Variants in ABCD2 observed in about 807,000 individuals in gnomAD.
The protein encoded by ABCD2 is ATP-binding cassette sub-family D member 2.
A neutral mutation model predicts 70.9 loss-of-function variants in ABCD2; 36 were observed. That is an observed-to-expected ratio of 0.51 (90% CI 0.39 to 0.67). ABCD2 has a LOEUF of 0.67. Ranked by LOEUF, ABCD2 falls within the 30% of genes least tolerant of loss-of-function variation. The pLI is 0.00. For synonymous variants in ABCD2, 304 were observed against 306.9 expected (o/e 0.99, Z 0.10); for missense variants, 729 against 890.2 (o/e 0.82, Z 2.30).
chr12:39,548,160 G>A (rs559109669), downstream of ABCD2, among the ~76,000 whole-genome samples: 2 of 152,090 alleles, frequency 1.3e-5, no homozygotes, highest in Non-Finnish European at 2.9e-5. Flanking sequence ...CCACTGATCA[G>A]AAGGGTAAAC....
At chr12:39,595,299 G>A (rs1427236209) in intron 6 of ABCD2, among the ~76,000 whole-genome samples, 2 of 152,138 alleles carry the variant, frequency 1.3e-5, no homozygotes, top group African/African-American at 4.8e-5. Context: ...AGTGAGTACA[G>A]AAGATTTGTA....
At chr12:39,568,450 A>G (rs4768164) in intron 9 of ABCD2, among the ~76,000 whole-genome samples, 96,283 of 152,008 alleles carry the variant, frequency 0.63, 32,436 homozygotes, top group East Asian at 0.87. Context: ...CACCATGTTC[A>G]TTCTCGTGCC....
chr12:39,573,977 T>A, intron 8 of ABCD2, 136 bp from the exon 9 acceptor site: 1 of 792,448 alleles, frequency 1.3e-6, no homozygotes, highest in Non-Finnish European at 1.9e-6. Context: ...CAATAAATGA[T>A]AAAGCAAAAA....
At chr12:39,616,213 T>C (rs574719448) in intron 2 of ABCD2, among the ~76,000 whole-genome samples, 9 of 152,242 alleles carry the variant, frequency 5.9e-5, no homozygotes, top group Admixed American at 3.9e-4. Context: ...GAGTAGAAAA[T>C]ACTTCTTCAG....
At position 39,592,880 on chromosome 12, in the gene ABCD2, A is replaced by G. The variant is rs572961916; in HGVS notation, c.1647-6583T>C. 4.6e-5 allele frequency among the ~76,000 whole-genome samples: 7 copies of G among 152,336 alleles called. No homozygotes were observed. In the South Asian group the frequency reaches 1.4e-3, roughly 32 times the overall value. On this transcript the variant is annotated intron_variant, in intron 6 of 9. Coordinates refer to ENST00000308666, the MANE Select transcript of ABCD2 (RefSeq NM_005164.4). ...ACAGGTCCAAAAGCTAGAGACCTAT[A>G]GGAAAATTGAGATTAAGATATTTAA...
chr12:39,533,959 A>C, the ABCD2 span, among the ~76,000 whole-genome samples: 1 of 152,252 alleles, frequency 6.6e-6, no homozygotes, highest in African/African-American at 2.4e-5. Context: ...AAAGTGATAA[A>C]AAATTGGTGC....
chr12:39,542,034 G>A, the ABCD2 span, among the ~76,000 whole-genome samples: 2 of 152,328 alleles, frequency 1.3e-5, no homozygotes, highest in East Asian at 3.9e-4. Flanking sequence ...GGCCTCTGCA[G>A]TGCTGGCAAA....
At chr12:39,616,492 TA>T (rs1334288386) in intron 2 of ABCD2, among the ~76,000 whole-genome samples, 2 of 152,126 alleles carry the variant, frequency 1.3e-5, no homozygotes, top group African/African-American at 4.8e-5. Flanking sequence ...CCATGGCACT[TA>T]AGCATTCTCT....
intron 9 of ABCD2, among the ~76,000 whole-genome samples, chr12:39,565,985 G>C (rs1025061735): frequency 3.9e-5 from 6 of 152,194 alleles, no homozygotes; most frequent in Non-Finnish European, 8.8e-5. Context: ...AAGCCCACTT[G>C]ATCATGGTGG....
At chr12:39,576,957 G>A (rs1180457469) in intron 8 of ABCD2, among the ~76,000 whole-genome samples, 1 of 151,684 alleles carries the variant, frequency 6.6e-6, no homozygotes, top group Non-Finnish European at 1.5e-5. Flanking sequence ...ATACAGAAAA[G>A]CACATAATTA....
intron 6 of ABCD2, among the ~76,000 whole-genome samples, chr12:39,599,037 A>G (rs1199483858): frequency 6.6e-6 from 1 of 152,162 alleles, no homozygotes; most frequent in Non-Finnish European, 1.5e-5. Flanking sequence ...TAGAGTTCTC[A>G]TTGTTATTTT....
At chr12:39,548,315 G>T (rs1018275607), downstream of ABCD2, among the ~76,000 whole-genome samples, 7 of 152,050 alleles carry the variant, frequency 4.6e-5, no homozygotes, top group Non-Finnish European at 7.4e-5. Flanking sequence ...TTTGATTCAT[G>T]ATATTTTCAA....
rs760103222 is a variant in ABCD2, at chr12:39,607,617, A to G, written c.1218T>C (p.Ile406=). The G allele has an allele frequency of 6.2e-7, 1 of 1,611,316 alleles. No individual in the cohort carries two copies. Among genetic ancestry groups the G allele is most frequent in the Non-Finnish European group, 8.5e-7 (1 of 1,178,316 alleles). Residue 406 remains isoleucine (I), a synonymous_variant, in exon 3 of 10, where the codon ATT becomes ATC. Transcript: ENST00000308666. ...LASGADAIER[I]MSSYKEVTEL... The stretch of plus-strand genomic sequence containing the variant: ...CAAGTACCTCTTTGTATGAAGACAT[A>G]ATCCTTTCAATAGCATCAGCTCCAG...
intron 6 of ABCD2, among the ~76,000 whole-genome samples, chr12:39,597,853 T>C (rs928688571): frequency 6.6e-6 from 1 of 152,216 alleles, no homozygotes. Context: ...CTAATTTATC[T>C]ACCAACATTT....
intron 9 of ABCD2, among the ~76,000 whole-genome samples, chr12:39,561,126 TG>T (rs1941251384): frequency 6.6e-6 from 1 of 152,096 alleles, no homozygotes; most frequent in African/African-American, 2.4e-5. Flanking sequence ...CCAGGTGCAG[TG>T]GCTCACGTCT....
the ABCD2 span, among the ~76,000 whole-genome samples, chr12:39,533,619 T>C: frequency 6.6e-6 from 1 of 152,238 alleles, no homozygotes; most frequent in African/African-American, 2.4e-5. Context: ...ATCTACCTTG[T>C]GGAAAATTTT....
chr12:39,571,210 C>A (rs1011512066), intron 9 of ABCD2, among the ~76,000 whole-genome samples: 2 of 152,058 alleles, frequency 1.3e-5, no homozygotes, highest in Non-Finnish European at 2.9e-5. Flanking sequence ...TCCAGCAATC[C>A]CCCACTGGGA....
intron 9 of ABCD2, among the ~76,000 whole-genome samples, chr12:39,566,444 T>C (rs1941349510): frequency 6.6e-6 from 1 of 152,232 alleles, no homozygotes; most frequent in African/African-American, 2.4e-5. Context: ...TTGCTGATGG[T>C]AGTTTGTATT....
intron 8 of ABCD2, among the ~76,000 whole-genome samples, chr12:39,577,371 G>T (rs1163233400): frequency 6.6e-6 from 1 of 152,136 alleles, no homozygotes; most frequent in African/African-American, 2.4e-5. Flanking sequence ...AAAAAAATGG[G>T]AGATTGGGGA....
Sources: allele counts gnomAD v4.1 joint callset (sites outside exome capture counted in the v4.1 genomes callset), GRCh38; gene constraint gnomAD v4.1.1; transcripts MANE v1.5; gene names NCBI Gene and HGNC (gene_info 2026-07-23, HGNC 2026-07-21).